AP1S3: variants seen among roughly 807,000 people sequenced by gnomAD.
AP1S3 encodes the protein adaptor related protein complex 1 subunit sigma 3.
Under a neutral mutation model 20.9 loss-of-function variants are expected in AP1S3, and 10 were observed. That is an observed-to-expected ratio of 0.48 (90% CI 0.29 to 0.81). The LOEUF is 0.81. Among genes scored for constraint, AP1S3 ranks in the 30% least tolerant of loss-of-function variants. The probability of loss-of-function intolerance (pLI) is 0.08; values close to 1 mark genes in which losing one functional copy is unlikely to be tolerated. For missense variants in AP1S3, 154 were observed against 183.8 expected (o/e 0.84, Z 0.94); for synonymous variants, 41 against 61.5 (o/e 0.67, Z 1.56).
At position 223,812,931 on chromosome 2, in the gene AP1S3, G is replaced by T. The variant is rs1164456258; in HGVS notation, c.3+24517C>A. ...GTTGCCATTTTGTGTGGGGTTTTTT[G>T]TTTTTTTTTTAATTTGAGATAGAGT... On this transcript the variant is annotated intron_variant, in intron 1 of 4. Coordinates refer to ENST00000396654, the MANE Select transcript of AP1S3 (RefSeq NM_001039569.2). Among the ~76,000 whole-genome samples the T allele has an allele frequency of 2.0e-5, 3 of 148,192 alleles. No homozygotes were observed. The East Asian group carries it at 5.9e-4, about 29-fold the overall frequency.
At chr2:223,784,212 G>C (rs571766876) in intron 1 of AP1S3, among the ~76,000 whole-genome samples, 2 of 152,056 alleles carry the variant, frequency 1.3e-5, no homozygotes, top group Non-Finnish European at 2.9e-5. Context: ...GACCCTCCAC[G>C]TACCTCTCAA....
Position 223,837,472 on chromosome 2 carries a change from C to T in AP1S3, c.-22G>A, listed in dbSNP as rs1253859131. ...CCATCGTGGCTGGGCCGCCGCCTCC[C>T]CCGCCTTGCGAGCAAGGAGCGCTGG... On this transcript the variant is annotated 5_prime_UTR_variant, in exon 1 of 5. Transcript: ENST00000396654. The T allele has an allele frequency of 3.0e-5, 39 of 1,286,018 alleles. No individual in the cohort carries two copies. Among genetic ancestry groups the T allele is most frequent in the Non-Finnish European group, 3.6e-5 (37 of 1,014,998 alleles). 79.7% of individuals were successfully genotyped at this position (1,286,018 alleles called of 1,614,324 possible).
chr2:223,806,897 T>G (rs990480730), intron 1 of AP1S3, among the ~76,000 whole-genome samples: 1 of 151,884 alleles, frequency 6.6e-6, no homozygotes, highest in African/African-American at 2.4e-5. Context: ...TACATTTCTG[T>G]TTTTTTTCTA....
Position 223,758,150 on chromosome 2 carries a change from AAT to A in AP1S3, c.*563_*564del, listed in dbSNP as rs1256023783. On this transcript the variant is annotated 3_prime_UTR_variant, in exon 5 of 5. Coordinates refer to ENST00000396654, the MANE Select transcript of AP1S3 (RefSeq NM_001039569.2). ...TTTTCATAATCCCAATTCTAAAAAAAATAAATGAATTCAGCACATTAAAATCA... is the reference window on the plus strand; with the variant it reads ...TTTTCATAATCCCAATTCTAAAAAAAAAATGAATTCAGCACATTAAAATCA... The A allele has an allele frequency of 2.7e-5, 27 of 981,824 alleles. No homozygotes were observed. In the South Asian group the frequency reaches 9.9e-4, roughly 36 times the overall value. 60.8% of individuals were successfully genotyped at this position (981,824 alleles called of 1,614,324 possible). A position where few individuals can be genotyped will look rare whatever the true frequency, so the allele number is the denominator to read the frequency against.
chr2:223,769,689 G>T (rs899334064), intron 3 of AP1S3, among the ~76,000 whole-genome samples: 1 of 149,624 alleles, frequency 6.7e-6, no homozygotes, highest in Non-Finnish European at 1.5e-5. Flanking sequence ...AGACTTGTAA[G>T]GAGGAAAAAA....
intron 3 of AP1S3, among the ~76,000 whole-genome samples, chr2:223,772,168 C>T (rs1191734837): frequency 1.3e-5 from 2 of 152,176 alleles, no homozygotes; most frequent in African/African-American, 4.8e-5. Flanking sequence ...AACTATATAG[C>T]AATTAATAGT....
chr2:223,770,407 G>A (rs1403901381), intron 3 of AP1S3: 1 of 1,529,934 alleles, frequency 6.5e-7, no homozygotes, highest in Non-Finnish European at 8.8e-7. Flanking sequence ...CCAGGTCTGG[G>A]TCCTCCAGCA....
intron 1 of AP1S3, among the ~76,000 whole-genome samples, chr2:223,795,267 T>A (rs1691308618): frequency 6.6e-6 from 1 of 151,998 alleles, no homozygotes; most frequent in Admixed American, 6.6e-5. Context: ...AAAAAAAAAT[T>A]TTAAAAATTT....
At chr2:223,819,226 G>A (rs901492231) in intron 1 of AP1S3, among the ~76,000 whole-genome samples, 2 of 152,198 alleles carry the variant, frequency 1.3e-5, no homozygotes, top group Admixed American at 1.3e-4. Flanking sequence ...GCTATGTGCA[G>A]AGAGATTTAA....
chr2:223,782,009 G>C (rs1690959698), intron 1 of AP1S3, among the ~76,000 whole-genome samples: 1 of 143,694 alleles, frequency 7.0e-6, no homozygotes, highest in Admixed American at 7.1e-5. Context: ...TAGGCTTTAA[G>C]TCTTTTTTTT....
At chr2:223,822,946 G>A (rs1257225795) in intron 1 of AP1S3, among the ~76,000 whole-genome samples, 5 of 151,830 alleles carry the variant, frequency 3.3e-5, no homozygotes, top group Non-Finnish European at 7.4e-5. Flanking sequence ...GACATTTCTT[G>A]AAAAAAAGAT....
intron 1 of AP1S3, among the ~76,000 whole-genome samples, chr2:223,780,355 A>AGT (rs1559280876): frequency 7.3e-4 from 40 of 54,970 alleles, no homozygotes; most frequent in African/African-American, 1.4e-3. Context: ...AGAGAGAGAG[A>AGT]GAGTGTGTGT....
intron 1 of AP1S3, among the ~76,000 whole-genome samples, chr2:223,806,067 T>A (rs965826602): frequency 1.3e-5 from 2 of 151,872 alleles, no homozygotes; most frequent in African/African-American, 4.8e-5. Flanking sequence ...CAAACTTGGG[T>A]CAAACACAAG....
At chr2:223,811,718 G>T (rs1691735133) in intron 1 of AP1S3, among the ~76,000 whole-genome samples, 1 of 152,204 alleles carries the variant, frequency 6.6e-6, no homozygotes. Flanking sequence ...AGACTTGGGA[G>T]TTGTATTTAT....
chr2:223,779,354 G>A lies in AP1S3; in HGVS notation c.4-1485C>T, dbSNP rs76878339. On this transcript the variant is annotated intron_variant, in intron 1 of 4. Transcript: ENST00000396654. ...AGCCCAAGGGTTTGAGACAAGCCTC[G>A]GCAACATAGTGAGACCCCATCTCTA... 9.2e-3 allele frequency among the ~76,000 whole-genome samples: 1,390 copies of A among 151,854 alleles called. 21 individuals are homozygous for A. Among genetic ancestry groups the A allele is most frequent in the African/African-American group, 0.032 (1,335 of 41,394 alleles).
intron 1 of AP1S3, among the ~76,000 whole-genome samples, chr2:223,822,521 C>G (rs1295923380): frequency 1.3e-5 from 2 of 151,724 alleles, no homozygotes; most frequent in Admixed American, 1.3e-4. Context: ...CTCATCTCTA[C>G]TAAAAATACA....
intron 1 of AP1S3, among the ~76,000 whole-genome samples, chr2:223,805,932 A>G (rs1691569279): frequency 6.6e-6 from 1 of 152,186 alleles, no homozygotes; most frequent in Non-Finnish European, 1.5e-5. Flanking sequence ...TAATTGGCCA[A>G]CTGCAGAAGC....
intron 1 of AP1S3, among the ~76,000 whole-genome samples, chr2:223,806,433 G>A (rs748826882): frequency 1.3e-5 from 2 of 151,704 alleles, no homozygotes; most frequent in South Asian, 2.1e-4. Context: ...ACAGGCGCTC[G>A]CCACCACGCC....
chr2:223,831,844 AG>A (rs1692265403), intron 1 of AP1S3, among the ~76,000 whole-genome samples: 1 of 152,176 alleles, frequency 6.6e-6, no homozygotes, highest in African/African-American at 2.4e-5. Flanking sequence ...TGGGAGGCTG[AG>A]GCGGGCAGAT....
Sources: gnomAD v4.1 joint callset for allele counts (sites outside exome capture counted in the v4.1 genomes callset) on GRCh38, gnomAD v4.1.1 for gene constraint, MANE v1.5 for transcripts, NCBI Gene and HGNC (gene_info 2026-07-23, HGNC 2026-07-21) for gene names.